The following IQGAP1 variants were observed in gnomAD, a reference collection of about 807,000 sequenced individuals.
IQGAP1 encodes ras GTPase-activating-like protein IQGAP1.
In IQGAP1, 66 loss-of-function variants were observed where a neutral mutation model predicts 215.6. The observed-to-expected ratio is 0.31, with a 90% CI of 0.25 to 0.38. IQGAP1 has a LOEUF of 0.38. IQGAP1 is among the 10% of genes least tolerant of loss of function. The pLI is 1.00. For synonymous variants in IQGAP1, 772 were observed against 728.7 expected (o/e 1.06, Z -0.96); for missense variants, 1,712 against 1,997.1 (o/e 0.86, Z 2.72).
chr15:90,479,576 T>TA (rs34325733), intron 26 of IQGAP1, among the ~76,000 whole-genome samples: 11,695 of 132,578 alleles, frequency 0.088, 1,055 homozygotes, highest in East Asian at 0.48. Flanking sequence ...TGTCCCTACT[T>TA]AAAAAAAAAA....
At position 90,454,570 on chromosome 15, in the gene IQGAP1, C is replaced by A; in HGVS notation, c.1612+18C>A. On this transcript the variant is annotated intron_variant, in intron 14 of 37. Transcript: ENST00000268182. ...ACATGAGAGTGAGTTATCTTCCTGT[C>A]CTCCCCAAATAATGTCACCATTAAT... 1 of 1,525,996 alleles carries A rather than the reference C, an allele frequency of 6.6e-7. No homozygotes were observed. Among genetic ancestry groups the A allele is most frequent in the Non-Finnish European group, 8.8e-7 (1 of 1,138,680 alleles). 94.5% of individuals were successfully genotyped at this position (1,525,996 alleles called of 1,614,324 possible).
chr15:90,471,449 C>G (rs770048056), intron 18 of IQGAP1, among the ~76,000 whole-genome samples: 18 of 145,316 alleles, frequency 1.2e-4, no homozygotes, highest in Non-Finnish European at 2.2e-4. Context: ...TCTCAAAGGT[C>G]TTGCCATACT....
chr15:90,483,869 A>G (rs1966091020), intron 29 of IQGAP1, among the ~76,000 whole-genome samples: 1 of 152,242 alleles, frequency 6.6e-6, no homozygotes, highest in South Asian at 2.1e-4. Flanking sequence ...ATCAGAGAAG[A>G]ATTGGAGAAT....
intron 15 of IQGAP1, among the ~76,000 whole-genome samples, chr15:90,462,665 A>C (rs1331297548): frequency 1.3e-5 from 2 of 152,162 alleles, no homozygotes; most frequent in Non-Finnish European, 2.9e-5. Context: ...CTTTCCATAT[A>C]TACATGTACA....
At chr15:90,429,557 C>T (rs746279579) in intron 3 of IQGAP1, 32 bp from the exon 4 acceptor site, 8 of 1,464,648 alleles carry the variant, frequency 5.5e-6, no homozygotes, top group South Asian at 2.5e-5. Flanking sequence ...TCAATACAGC[C>T]AATAATACCT....
rs1427731137 is a variant in IQGAP1 at position 90,501,557 on chromosome 15, T to C, written c.*1449T>C. 6.6e-6 allele frequency: 1 copy of C among 152,208 alleles called. No homozygotes were observed. Among genetic ancestry groups the C allele is most frequent in the Non-Finnish European group, 1.5e-5 (1 of 68,034 alleles). The allele number at this position is 152,208 out of a possible 1,614,324, so 9.4% of individuals were successfully genotyped here. On this transcript the variant is annotated 3_prime_UTR_variant, in exon 38 of 38. Transcript: ENST00000268182. Reference sequence around the variant, plus strand: ...TAAACTGCTTTAATGAATAACAAACTATGTAGTGTGTCCCTATTATAAATG... The same window carrying C: ...TAAACTGCTTTAATGAATAACAAACCATGTAGTGTGTCCCTATTATAAATG...
At chr15:90,391,733 T>C (rs1964638878) in intron 2 of IQGAP1, 1 of 152,252 alleles carries the variant, frequency 6.6e-6, no homozygotes, top group African/African-American at 2.4e-5. Flanking sequence ...CTTGTGGTCT[T>C]AATTTTAGAG....
chr15:90,412,060 T>G (rs1310165654), intron 2 of IQGAP1, among the ~76,000 whole-genome samples: 1 of 152,176 alleles, frequency 6.6e-6, no homozygotes, highest in Admixed American at 6.5e-5. Context: ...TCTATTAAAA[T>G]AAAACAATTA....
At chr15:90,435,351 C>T (rs1965356767) in intron 5 of IQGAP1, among the ~76,000 whole-genome samples, 1 of 152,166 alleles carries the variant, frequency 6.6e-6, no homozygotes, top group Non-Finnish European at 1.5e-5. Flanking sequence ...TGGCATTCAC[C>T]TGTAGTCCTA....
rs565503745 is a variant in IQGAP1, at chr15:90,477,288, T to C, written c.3104+58T>C. 5 of 1,407,026 alleles carry C rather than the reference T, an allele frequency of 3.6e-6. No individual in the cohort carries two copies. The South Asian group carries it at 6.3e-5, about 18-fold the overall frequency. The allele number at this position is 1,407,026 out of a possible 1,614,324, so 87.2% of individuals were successfully genotyped here. On this transcript the variant is annotated intron_variant, in intron 25 of 37. Coordinates refer to ENST00000268182, the MANE Select transcript of IQGAP1 (RefSeq NM_003870.4). ...TTCCCACTATCAGAGGGGCTCCCAG[T>C]TTGAGATTCATGCCTTCCTGATCTT...
At chr15:90,466,613 CT>C (rs1306953335) in intron 17 of IQGAP1, among the ~76,000 whole-genome samples, 177 bp downstream of exon 17, 2 of 149,838 alleles carry the variant, frequency 1.3e-5, no homozygotes, top group African/African-American at 5.0e-5. Context: ...TCCCCCCCCC[CT>C]TGTGGACAGC....
intron 1 of IQGAP1, among the ~76,000 whole-genome samples, chr15:90,390,560 A>G (rs559878948): frequency 1.3e-5 from 2 of 152,346 alleles, no homozygotes; most frequent in South Asian, 2.1e-4. Context: ...ACATATTTAT[A>G]TTATCATACA....
intron 5 of IQGAP1, among the ~76,000 whole-genome samples, chr15:90,434,101 G>T (rs8042861): frequency 0.58 from 88,027 of 151,782 alleles, 27,532 homozygotes; most frequent in East Asian, 0.83. Context: ...TGTTTAGTTA[G>T]GTAGGTCCTT....
intron 2 of IQGAP1, among the ~76,000 whole-genome samples, chr15:90,422,818 C>G (rs1439273903): frequency 1.3e-5 from 2 of 151,692 alleles, no homozygotes; most frequent in East Asian, 3.9e-4. Context: ...GCTGCAGCCT[C>G]TCAAGTAGCT....
intron 8 of IQGAP1, 135 bp downstream of exon 8, chr15:90,441,819 T>G: frequency 1.4e-6 from 1 of 699,198 alleles, no homozygotes. Flanking sequence ...ATGTACAGTT[T>G]GAGTTTTGAA....
intron 18 of IQGAP1, among the ~76,000 whole-genome samples, chr15:90,471,219 A>AG (rs1239446182): frequency 6.6e-6 from 1 of 152,144 alleles, no homozygotes; most frequent in Non-Finnish European, 1.5e-5. Flanking sequence ...TCAGCAGTCC[A>AG]GGGAAAATGT....
At chr15:90,416,744 AT>A (rs1230155099) in intron 2 of IQGAP1, among the ~76,000 whole-genome samples, 2 of 151,778 alleles carry the variant, frequency 1.3e-5, no homozygotes, top group Admixed American at 1.3e-4. Context: ...CGCCCAGCTA[AT>A]TTTTTGTATT....
intron 2 of IQGAP1, among the ~76,000 whole-genome samples, chr15:90,420,939 G>A (rs997098817): frequency 1.1e-4 from 16 of 152,100 alleles, no homozygotes; most frequent in African/African-American, 3.9e-4. Flanking sequence ...GATCACTTGA[G>A]GTCAGGAGTT....
chr15:90,414,826 G>A (rs769898353), intron 2 of IQGAP1, among the ~76,000 whole-genome samples: 34 of 152,008 alleles, frequency 2.2e-4, no homozygotes, highest in Non-Finnish European at 4.1e-4. Flanking sequence ...TGGACGTCCC[G>A]TTGACATTTC....
Sources: gnomAD v4.1 joint callset for allele counts (sites outside exome capture counted in the v4.1 genomes callset) on GRCh38, gnomAD v4.1.1 for gene constraint, MANE v1.5 for transcripts, NCBI Gene and HGNC (gene_info 2026-07-23, HGNC 2026-07-21) for gene names.